WDR70: variants seen among roughly 807,000 people sequenced by gnomAD.
The protein encoded by WDR70 is WD repeat domain 70.
In WDR70, 53 loss-of-function variants were observed where a neutral mutation model predicts 88.6. The ratio of observed to expected loss-of-function variants is 0.60; its 90% confidence interval spans 0.48 to 0.75. WDR70 has a LOEUF of 0.75. Among genes scored for constraint, WDR70 ranks in the 30% least tolerant of loss-of-function variants. The pLI is 0.00. For missense variants in WDR70, 610 were observed against 823.2 expected (o/e 0.74, Z 3.17); for synonymous variants, 280 against 270.0 (o/e 1.04, Z -0.36).
At chr5:37,583,501 G>C (rs918439602) in intron 9 of WDR70, among the ~76,000 whole-genome samples, 2 of 152,030 alleles carry the variant, frequency 1.3e-5, no homozygotes, top group East Asian at 3.9e-4. Context: ...CACAGATATG[G>C]GGGGAGAAAG....
chr5:37,676,269 A>G (rs1746202758), intron 10 of WDR70, among the ~76,000 whole-genome samples: 1 of 151,152 alleles, frequency 6.6e-6, no homozygotes, highest in Non-Finnish European at 1.5e-5. Context: ...TTCCAACACT[A>G]TGTTGAATAG....
intron 7 of WDR70, among the ~76,000 whole-genome samples, chr5:37,457,272 T>A (rs1738871720): frequency 1.3e-5 from 2 of 152,080 alleles, no homozygotes; most frequent in African/African-American, 4.8e-5. Flanking sequence ...ATATTTGGAT[T>A]TTTAGTAGAG....
intron 3 of WDR70, among the ~76,000 whole-genome samples, chr5:37,383,303 A>G (rs1163110284): frequency 2.6e-5 from 4 of 151,370 alleles, no homozygotes; most frequent in Admixed American, 2.6e-4. Context: ...TCTGTCGCCC[A>G]GGCTGGAGTG....
chr5:37,383,507 C>T (rs976304209), intron 3 of WDR70, among the ~76,000 whole-genome samples: 5 of 151,962 alleles, frequency 3.3e-5, no homozygotes, highest in African/African-American at 1.2e-4. Context: ...GGTGATCCGC[C>T]CGCCTCGGCC....
At chr5:37,550,639 G>C (rs1039602129) in intron 9 of WDR70, among the ~76,000 whole-genome samples, 5 of 152,146 alleles carry the variant, frequency 3.3e-5, no homozygotes, top group African/African-American at 7.2e-5. Flanking sequence ...TATAGGGGAG[G>C]TGTGTTTCCT....
chr5:37,712,002 T>TTTTTTTTTTTTTG, intron 13 of WDR70, among the ~76,000 whole-genome samples: 1 of 147,866 alleles, frequency 6.8e-6, no homozygotes, highest in African/African-American at 2.5e-5. Flanking sequence ...TTTTTTTTTT[T>TTTTTTTTTTTTTG]TTTTTCTTGA....
intron 5 of WDR70, among the ~76,000 whole-genome samples, chr5:37,403,502 C>T (rs1749263212): frequency 6.6e-6 from 1 of 152,028 alleles, no homozygotes; most frequent in South Asian, 2.1e-4. Context: ...GGGAAAACAC[C>T]ACCACAGCAG....
At chr5:37,557,964 A>ACTCTTTTGAAAAGTCTTCAAAAGAG (rs1220313440) in intron 9 of WDR70, among the ~76,000 whole-genome samples, 1 of 994 alleles carries the variant, frequency 1.0e-3, no homozygotes, top group African/African-American at 4.2e-3. Flanking sequence ...AGTATTATGT[A>ACTCTTTTGAAAAGTCTTCAAAAGAG]TATTTATTAT....
chr5:37,535,011 T>C (rs1265688607), intron 9 of WDR70, among the ~76,000 whole-genome samples: 2 of 152,210 alleles, frequency 1.3e-5, no homozygotes, highest in Non-Finnish European at 2.9e-5. Context: ...AAATATTGTT[T>C]GCTCACTATG....
At chr5:37,468,560 C>CA (rs1409649073) in intron 7 of WDR70, among the ~76,000 whole-genome samples, 1 of 151,910 alleles carries the variant, frequency 6.6e-6, no homozygotes, top group Admixed American at 6.6e-5. Flanking sequence ...GTGTAATGAT[C>CA]AAATCAGGAT....
intron 17 of WDR70, among the ~76,000 whole-genome samples, chr5:37,737,789 C>A (rs1748343686): frequency 6.6e-6 from 1 of 152,054 alleles, no homozygotes. Context: ...TTGTAGAATT[C>A]TGTTTCTCTT....
intron 7 of WDR70, among the ~76,000 whole-genome samples, chr5:37,443,707 G>A (rs945698800): frequency 6.6e-6 from 1 of 152,192 alleles, no homozygotes. Context: ...ACAAAAATTA[G>A]CTGGGCGTGG....
intron 17 of WDR70, 97 bp from the exon 18 acceptor site, chr5:37,752,389 C>T: frequency 1.1e-5 from 8 of 737,902 alleles, no homozygotes; most frequent in Admixed American, 5.6e-5. Flanking sequence ...GTAATTTATT[C>T]CCCACATTTG....
chr5:37,556,318 T>C (rs1742294249), intron 9 of WDR70, among the ~76,000 whole-genome samples: 2 of 152,292 alleles, frequency 1.3e-5, no homozygotes, highest in South Asian at 2.1e-4. Context: ...TTTTATCTTC[T>C]AATATCAAGG....
chr5:37,711,416 G>A (rs1331371118), intron 13 of WDR70, among the ~76,000 whole-genome samples: 1 of 152,130 alleles, frequency 6.6e-6, no homozygotes, highest in Non-Finnish European at 1.5e-5. Flanking sequence ...TCATTTCTGT[G>A]TATGAAATCC....
intron 6 of WDR70, 42 bp downstream of exon 6, chr5:37,438,023 G>T (rs760800119): frequency 1.8e-5 from 27 of 1,540,762 alleles, no homozygotes; most frequent in Non-Finnish European, 2.2e-5. Flanking sequence ...CAAATTACAG[G>T]GCTGTCATGG....
At chr5:37,415,594 G>A (rs557266301) in intron 5 of WDR70, among the ~76,000 whole-genome samples, 6,751 of 139,690 alleles carry the variant, frequency 0.048, 355 homozygotes, top group Non-Finnish European at 0.077. Context: ...CGGACGGGGC[G>A]GCTGGCCGGG....
At chr5:37,689,613 A>AG (rs1250202263) in intron 10 of WDR70, among the ~76,000 whole-genome samples, 1 of 152,226 alleles carries the variant, frequency 6.6e-6, no homozygotes, top group African/African-American at 2.4e-5. Context: ...CCTGCAGCTG[A>AG]GGGACCTGAC....
chr5:37,710,241 A>G (rs1200152536), intron 13 of WDR70, among the ~76,000 whole-genome samples: 2 of 152,126 alleles, frequency 1.3e-5, no homozygotes, highest in Non-Finnish European at 2.9e-5. Context: ...TTAAGAAAGC[A>G]TACGGTTCTG....
Sources: gnomAD v4.1 joint callset for allele counts (sites outside exome capture counted in the v4.1 genomes callset) on GRCh38, gnomAD v4.1.1 for gene constraint, MANE v1.5 for transcripts, NCBI Gene and HGNC (gene_info 2026-07-23, HGNC 2026-07-21) for gene names.